The following LARGE1 variants were observed in gnomAD, a reference collection of about 807,000 sequenced individuals.
LARGE1 encodes LARGE xylosyl- and glucuronyltransferase 1, also known as xylosyl- and glucuronyltransferase LARGE1.
Under a neutral mutation model 87.6 loss-of-function variants are expected in LARGE1, and 43 were observed. That is an observed-to-expected ratio of 0.49 (90% CI 0.38 to 0.63). The LOEUF (loss-of-function observed/expected upper bound fraction) is 0.63, where lower values mean the gene tolerates loss of function less well. Among genes scored for constraint, LARGE1 ranks in the 30% least tolerant of loss-of-function variants. LARGE1 has a pLI of 0.00. For missense variants in LARGE1, 802 were observed against 1,000.2 expected (o/e 0.80, Z 2.67); for synonymous variants, 434 against 394.6 (o/e 1.10, Z -1.18).
At chr22:33,155,100 T>C in the LARGE1 span, among the ~76,000 whole-genome samples, 1 of 152,154 alleles carries the variant, frequency 6.6e-6, no homozygotes, top group African/African-American at 2.4e-5. Context: ...CCAGTCTAGG[T>C]ATGTCTTTGT....
intron 11 of LARGE1, among the ~76,000 whole-genome samples, chr22:33,174,955 A>T (rs184980678): frequency 2.6e-5 from 4 of 152,220 alleles, no homozygotes; most frequent in Admixed American, 6.5e-5. Context: ...CAATAGAAAA[A>T]GAGGGAATCC....
chr22:33,463,948 A>G (rs2068483987), intron 6 of LARGE1, among the ~76,000 whole-genome samples: 1 of 152,214 alleles, frequency 6.6e-6, no homozygotes, highest in Admixed American at 6.5e-5. Context: ...TGCTGGGATT[A>G]CAGGTGTGGG....
chr22:33,600,902 T>C (rs2079096281), intron 5 of LARGE1, among the ~76,000 whole-genome samples: 1 of 151,970 alleles, frequency 6.6e-6, no homozygotes, highest in African/African-American at 2.4e-5. Context: ...CCGTCTTTAA[T>C]AAAAATATAA....
At chr22:33,343,075 T>C (rs761170210) in intron 9 of LARGE1, among the ~76,000 whole-genome samples, 1 of 152,204 alleles carries the variant, frequency 6.6e-6, no homozygotes, top group Non-Finnish European at 1.5e-5. Flanking sequence ...ATAGCTACCA[T>C]GTATTCAATA....
In LARGE1 at chr22:33,273,861, C is replaced by A; in HGVS notation, c.*566G>T. 1 of 382,616 alleles carries A rather than the reference C, an allele frequency of 2.6e-6. No individual in the cohort carries two copies. The highest frequency in any genetic ancestry group is 4.6e-6 in the Non-Finnish European group (1 of 216,672). 23.7% of individuals were successfully genotyped at this position (382,616 alleles called of 1,614,324 possible). ...TTTGGGGATAAGGAAACCCATCAAC[C>A]CCACCTCCAGGACCCTCTGGTTACA... On this transcript the variant is annotated 3_prime_UTR_variant, in exon 15 of 15. Transcript: ENST00000397394.
intron 5 of LARGE1, among the ~76,000 whole-genome samples, chr22:33,601,898 T>C (rs768378747): frequency 6.6e-6 from 1 of 152,186 alleles, no homozygotes; most frequent in African/African-American, 2.4e-5. Context: ...TGGATTAAAG[T>C]AGGCCTGACA....
At chr22:33,410,147 C>T (rs2066256753) in intron 7 of LARGE1, among the ~76,000 whole-genome samples, 1 of 152,004 alleles carries the variant, frequency 6.6e-6, no homozygotes, top group Admixed American at 6.6e-5. Context: ...TGAGATAAGC[C>T]CTGGGATGCC....
intron 9 of LARGE1, among the ~76,000 whole-genome samples, chr22:33,342,461 T>C (rs1939261270): frequency 6.6e-6 from 1 of 152,206 alleles, no homozygotes; most frequent in Non-Finnish European, 1.5e-5. Flanking sequence ...GTATGTGACT[T>C]GCCTGTATCT....
chr22:33,232,370 T>G (rs2145659850), intron 11 of LARGE1, among the ~76,000 whole-genome samples: 1 of 152,320 alleles, frequency 6.6e-6, no homozygotes, highest in Non-Finnish European at 1.5e-5. Flanking sequence ...GTGCACCCAC[T>G]GATTTGCAAT....
intron 1 of LARGE1, among the ~76,000 whole-genome samples, chr22:33,809,998 A>G (rs752556703): frequency 2.6e-5 from 4 of 152,194 alleles, no homozygotes; most frequent in Non-Finnish European, 5.9e-5. Context: ...TTGTAGTTAT[A>G]GGCGGGTGTT....
chr22:33,122,735 G>T, the LARGE1 span, among the ~76,000 whole-genome samples: 3 of 152,266 alleles, frequency 2.0e-5, no homozygotes, highest in Admixed American at 2.0e-4. Flanking sequence ...AAAGGACATG[G>T]CCAATTTAAC....
chr22:33,474,554 C>T (rs921908588), intron 6 of LARGE1, among the ~76,000 whole-genome samples: 13 of 152,186 alleles, frequency 8.5e-5, no homozygotes, highest in African/African-American at 2.2e-4. Context: ...ATGCCTGGCA[C>T]GCTTTGCATA....
intron 11 of LARGE1, among the ~76,000 whole-genome samples, chr22:33,189,491 A>G (rs1365103448): frequency 6.6e-6 from 1 of 152,022 alleles, no homozygotes. Context: ...ACATACACAC[A>G]CTCACGATAC....
intron 10 of LARGE1, among the ~76,000 whole-genome samples, chr22:33,334,078 G>A (rs1298505108): frequency 4.0e-5 from 6 of 151,474 alleles, no homozygotes; most frequent in South Asian, 2.1e-4. Context: ...AGCCGAGATC[G>A]CGGCACTGCA....
chr22:33,194,874 A>C (rs906024079), intron 11 of LARGE1, among the ~76,000 whole-genome samples: 2 of 152,168 alleles, frequency 1.3e-5, no homozygotes, highest in Admixed American at 1.3e-4. Context: ...TGATAGAAAG[A>C]GTGCTTCTCT....
At chr22:33,351,886 G>A (rs949625904) in intron 9 of LARGE1, among the ~76,000 whole-genome samples, 9 of 151,878 alleles carry the variant, frequency 5.9e-5, no homozygotes, top group Admixed American at 1.3e-4. Context: ...TTACATGTGC[G>A]CGCCACCACA....
At chr22:33,842,968 A>C (rs995273705) in intron 1 of LARGE1, among the ~76,000 whole-genome samples, 1 of 151,122 alleles carries the variant, frequency 6.6e-6, no homozygotes, top group Non-Finnish European at 1.5e-5. Flanking sequence ...AAACCACAAC[A>C]CCTACAGTTC....
chr22:33,295,406 C>G (rs1233351819), intron 12 of LARGE1, among the ~76,000 whole-genome samples: 1 of 152,230 alleles, frequency 6.6e-6, no homozygotes, highest in Non-Finnish European at 1.5e-5. Context: ...GAGAAGCCCT[C>G]TTGTCTCCAG....
At chr22:33,079,998 G>C in the LARGE1 span, among the ~76,000 whole-genome samples, 1 of 152,134 alleles carries the variant, frequency 6.6e-6, no homozygotes, top group African/African-American at 2.4e-5. Flanking sequence ...CCAGGTGCTG[G>C]GTTTCTTAGA....
Sources: allele counts gnomAD v4.1 joint callset (sites outside exome capture counted in the v4.1 genomes callset), GRCh38; gene constraint gnomAD v4.1.1; transcripts MANE v1.5; gene names NCBI Gene and HGNC (gene_info 2026-07-23, HGNC 2026-07-21).